The following CDKAL1 variants were observed in gnomAD, a reference collection of about 807,000 sequenced individuals.
CDKAL1 encodes the protein CDKAL1 threonylcarbamoyladenosine tRNA methylthiotransferase, also known as threonylcarbamoyladenosine tRNA methylthiotransferase.
In CDKAL1, 32 loss-of-function variants were observed where a neutral mutation model predicts 68.2. The observed-to-expected ratio is 0.47, with a 90% CI of 0.35 to 0.63. The LOEUF (loss-of-function observed/expected upper bound fraction) is 0.63. Among genes scored for constraint, CDKAL1 ranks in the 30% least tolerant of loss-of-function variants. The pLI is 0.00. For synonymous variants in CDKAL1, 234 were observed against 244.3 expected (o/e 0.96, Z 0.39); for missense variants, 606 against 696.7 (o/e 0.87, Z 1.47).
At chr6:20,888,833 G>A (rs1014227156) in intron 9 of CDKAL1, among the ~76,000 whole-genome samples, 3 of 152,086 alleles carry the variant, frequency 2.0e-5, no homozygotes, top group Non-Finnish European at 4.4e-5. Flanking sequence ...GTAAACATAC[G>A]TGTGCATGAG....
At chr6:21,019,135 G>A (rs192835103) in intron 11 of CDKAL1, among the ~76,000 whole-genome samples, 191 of 152,228 alleles carry the variant, frequency 1.3e-3, no homozygotes, top group African/African-American at 4.2e-3. Flanking sequence ...TTTTAGTAGA[G>A]ATGAGGTTTC....
At chr6:20,721,722 T>A (rs1204040682) in intron 5 of CDKAL1, among the ~76,000 whole-genome samples, 1 of 142,390 alleles carries the variant, frequency 7.0e-6, no homozygotes, top group Non-Finnish European at 1.5e-5. Context: ...CTGACCAACT[T>A]CTGTTTTTTT....
chr6:21,050,836 TG>T (rs1770502264), intron 11 of CDKAL1, among the ~76,000 whole-genome samples: 3 of 152,174 alleles, frequency 2.0e-5, no homozygotes, highest in Admixed American at 6.5e-5. Flanking sequence ...GGGGTTTCAC[TG>T]GGGACCTGCC....
chr6:21,204,591 T>C (rs12527588), intron 15 of CDKAL1, among the ~76,000 whole-genome samples: 10,269 of 152,230 alleles, frequency 0.067, 387 homozygotes, highest in African/African-American at 0.1. Context: ...CTAAATATGC[T>C]ACATGTGTTC....
chr6:20,757,795 C>T (rs558279020), intron 6 of CDKAL1, among the ~76,000 whole-genome samples: 6 of 152,198 alleles, frequency 3.9e-5, no homozygotes, highest in East Asian at 1.9e-4. Flanking sequence ...AATAAAACAA[C>T]GGTAATTTAA....
At chr6:20,957,616 C>T (rs1346695721) in intron 10 of CDKAL1, among the ~76,000 whole-genome samples, 1 of 152,102 alleles carries the variant, frequency 6.6e-6, no homozygotes, top group African/African-American at 2.4e-5. Flanking sequence ...CTTGTTATAT[C>T]TGTCTGTGGA....
rs541003697 is a variant in CDKAL1, at chr6:20,766,210, T to A, written c.517+7567T>A. On this transcript the variant is annotated intron_variant, in intron 7 of 15. Coordinates refer to ENST00000274695, the MANE Select transcript of CDKAL1 (RefSeq NM_017774.3). ...TTTCTGATCAAAGATACATTTTTTT[T>A]AATTATTTGAAACCACCTTTCATCA... Among the ~76,000 whole-genome samples, 71 of 152,294 alleles carry A rather than the reference T, an allele frequency of 4.7e-4. 1 individual carries two copies. Among genetic ancestry groups the A allele is most frequent in the African/African-American group, 8.2e-4 (34 of 41,568 alleles).
intron 2 of CDKAL1, among the ~76,000 whole-genome samples, chr6:20,538,761 G>A (rs1241151150): frequency 6.6e-6 from 1 of 152,196 alleles, no homozygotes; most frequent in Non-Finnish European, 1.5e-5. Context: ...AGAAATCCTA[G>A]GGGTTGGGCA....
At chr6:20,570,206 C>T (rs1167126436) in intron 4 of CDKAL1, among the ~76,000 whole-genome samples, 2 of 151,918 alleles carry the variant, frequency 1.3e-5, no homozygotes, top group Non-Finnish European at 1.5e-5. Context: ...TGGGTTCAAG[C>T]GATTCTCCTG....
chr6:20,810,392 T>TCACACA lies in CDKAL1; in HGVS notation c.638+29175_638+29180dup, dbSNP rs59104508. On this transcript the variant is annotated intron_variant, in intron 8 of 15. Transcript: ENST00000274695. The stretch of plus-strand genomic sequence containing the variant: ...GTCTCTCTCTCTCTCTCTCTCTCTG[T>TCACACA]CACACACACACACACACACACACAC... Among the ~76,000 whole-genome samples, 138 of 115,648 alleles carry TCACACA rather than the reference T, an allele frequency of 1.2e-3. 3 individuals carry two copies. The highest frequency in any genetic ancestry group is 2.4e-3 in the South Asian group (6 of 2,490). The allele number at this position is 115,648 out of a possible 152,430, so 75.9% of individuals were successfully genotyped here. A position where few individuals can be genotyped will look rare whatever the true frequency, so the allele number is the denominator to read the frequency against.
In CDKAL1 at chr6:21,107,651, C is replaced by T. The variant is rs142182151; in HGVS notation, c.1237-750C>T. Reference sequence around the variant, plus strand: ...TTCTCCATTTTGGCCAAGCTGGTCTCGAACTCCTGGCCTCAAGTGATATAC... The same window carrying T: ...TTCTCCATTTTGGCCAAGCTGGTCTTGAACTCCTGGCCTCAAGTGATATAC... On this transcript the variant is annotated intron_variant, in intron 12 of 15. Coordinates refer to ENST00000274695, the MANE Select transcript of CDKAL1 (RefSeq NM_017774.3). Among the ~76,000 whole-genome samples the T allele has an allele frequency of 7.5e-3, 1,146 of 152,052 alleles. 11 individuals are homozygous for T. The highest frequency in any genetic ancestry group is 0.025 in the African/African-American group (1,053 of 41,464).
At chr6:20,981,147 C>A (rs1385963675) in intron 10 of CDKAL1, among the ~76,000 whole-genome samples, 3 of 150,288 alleles carry the variant, frequency 2.0e-5, no homozygotes, top group Non-Finnish European at 4.5e-5. Flanking sequence ...ATATTGCGTT[C>A]ATTTTTGAAC....
In CDKAL1 at chr6:20,677,081, G is replaced by T. The variant is rs972489877; in HGVS notation, c.371+27704G>T. ...TTTTTTATTTGATAATTTTTTTTGTGTGTGTGTGTGATAGAGTCTTGCTCT... is the reference window on the plus strand; with the variant it reads ...TTTTTTATTTGATAATTTTTTTTGTTTGTGTGTGTGATAGAGTCTTGCTCT... On this transcript the variant is annotated intron_variant, in intron 5 of 15. Transcript: ENST00000274695. Among the ~76,000 whole-genome samples, 5 of 151,456 alleles carry T rather than the reference G, an allele frequency of 3.3e-5. No individual in the cohort carries two copies. The East Asian group carries it at 5.8e-4, about 18-fold the overall frequency.
At chr6:20,910,463 C>A (rs567097007) in intron 9 of CDKAL1, among the ~76,000 whole-genome samples, 2 of 152,272 alleles carry the variant, frequency 1.3e-5, no homozygotes, top group East Asian at 3.9e-4. Context: ...ATCTGGCAAC[C>A]TTTCCTGTGG....
chr6:20,758,651 T>A lies in CDKAL1; in HGVS notation c.517+8T>A. On this transcript the variant is annotated splice_region_variant and intron_variant, in intron 7 of 15. Coordinates refer to ENST00000274695, the MANE Select transcript of CDKAL1 (RefSeq NM_017774.3). ...TGGAGGAGACAATTAAAGGTAATCGTTGAAAGTGAGATAAACAGATGTATA... is the reference window on the plus strand; with the variant it reads ...TGGAGGAGACAATTAAAGGTAATCGATGAAAGTGAGATAAACAGATGTATA... 1 of 1,604,728 alleles carries A rather than the reference T, an allele frequency of 6.2e-7. No homozygotes were observed. The highest frequency in any genetic ancestry group is 8.5e-7 in the Non-Finnish European group (1 of 1,173,690).
intron 11 of CDKAL1, among the ~76,000 whole-genome samples, chr6:21,016,590 A>G (rs999020076): frequency 6.6e-6 from 1 of 151,452 alleles, no homozygotes; most frequent in Non-Finnish European, 1.5e-5. Flanking sequence ...CAGTCAATCA[A>G]TTCTGTCCCC....
chr6:20,759,451 A>G (rs1030530608), intron 7 of CDKAL1, among the ~76,000 whole-genome samples: 1 of 152,106 alleles, frequency 6.6e-6, no homozygotes, highest in Non-Finnish European at 1.5e-5. Context: ...CTGAGGTGGG[A>G]GGATTGCTTG....
intron 13 of CDKAL1, among the ~76,000 whole-genome samples, chr6:21,193,259 A>G (rs533465037): frequency 6.6e-6 from 1 of 152,332 alleles, no homozygotes; most frequent in East Asian, 1.9e-4. Flanking sequence ...CCAAGAAGGT[A>G]GCTGTAATTT....
At chr6:21,149,642 A>C (rs910051041) in intron 13 of CDKAL1, among the ~76,000 whole-genome samples, 4 of 152,146 alleles carry the variant, frequency 2.6e-5, no homozygotes, top group African/African-American at 4.8e-5. Context: ...AAGTTATGCT[A>C]ATAAAAGTAA....
Sources: gnomAD v4.1 joint callset for allele counts (sites outside exome capture counted in the v4.1 genomes callset) on GRCh38, gnomAD v4.1.1 for gene constraint, MANE v1.5 for transcripts, NCBI Gene and HGNC (gene_info 2026-07-23, HGNC 2026-07-21) for gene names.